Variants in SLC5A12 observed in about 807,000 individuals in gnomAD.
SLC5A12 encodes the protein sodium-coupled monocarboxylate transporter 2.
SLC5A12 carries 46 observed loss-of-function variants against 72.7 expected under a neutral mutation model. The ratio of observed to expected loss-of-function variants is 0.63; its 90% CI spans 0.50 to 0.81. SLC5A12 has a LOEUF of 0.81. Ranked by LOEUF, SLC5A12 falls within the 30% of genes least tolerant of loss-of-function variation. The pLI is 0.00. For missense variants in SLC5A12, 683 were observed against 740.7 expected, an observed-to-expected ratio of 0.92 and a Z score of 0.90; for synonymous variants, 275 against 264.4, an observed-to-expected ratio of 1.04 and a Z score of -0.39.
At chr11:26,690,755 C>A in intron 9 of SLC5A12, among the ~76,000 whole-genome samples, 1 of 145,442 alleles carries the variant, frequency 6.9e-6, no homozygotes, top group Non-Finnish European at 1.5e-5. Flanking sequence ...TGCAGTGAGC[C>A]AAGATCATGC....
chr11:26,678,190 G>GA (rs1565184385), intron 13 of SLC5A12, among the ~76,000 whole-genome samples: 2 of 152,130 alleles, frequency 1.3e-5, no homozygotes, highest in African/African-American at 2.4e-5. Context: ...TAGTAAGATG[G>GA]TGATGACAAA....
At chr11:26,680,800 A>AT (rs1356053310) in intron 12 of SLC5A12, among the ~76,000 whole-genome samples, 1 of 151,618 alleles carries the variant, frequency 6.6e-6, no homozygotes, top group Non-Finnish European at 1.5e-5. Flanking sequence ...ACCCTCCACT[A>AT]TTTTTTCTCT....
At position 26,701,619 on chromosome 11, in the gene SLC5A12, ATT is replaced by A. The variant is rs547996294; in HGVS notation, c.821+1910_821+1911del. Among the ~76,000 whole-genome samples, 303 of 152,306 alleles carry A rather than the reference ATT, an allele frequency of 2.0e-3. 1 individual carries two copies. Among genetic ancestry groups the A allele is most frequent in the Middle Eastern group, 3.4e-3 (1 of 294 alleles). ...AATGTGTGTGTATGTGTGTACACAT[ATT>A]GATTGATTACAGCTATATAATTTTA... On this transcript the variant is annotated intron_variant, in intron 6 of 14. Coordinates refer to ENST00000396005, the MANE Select transcript of SLC5A12 (RefSeq NM_178498.4).
Position 26,703,425 on chromosome 11 carries a change from T to C in SLC5A12, c.821+106A>G, listed in dbSNP as rs879011650. 124 of 882,652 alleles carry C rather than the reference T, an allele frequency of 1.4e-4. 1 individual carries two copies. In the South Asian group the frequency reaches 1.4e-3, roughly 10 times the overall value. 54.7% of individuals were successfully genotyped at this position (882,652 alleles called of 1,614,324 possible). ...TGCCTCTCTCTTACACACACATACA[T>C]ACACACACACACACACACACACCCC... On this transcript the variant is annotated intron_variant, in intron 6 of 14. Coordinates refer to ENST00000396005, the MANE Select transcript of SLC5A12 (RefSeq NM_178498.4).
chr11:26,703,430 A>G (rs1855007366), intron 6 of SLC5A12, 101 bp downstream of exon 6: 1 of 1,252,016 alleles, frequency 8.0e-7, no homozygotes, highest in Admixed American at 2.0e-5. Context: ...ATACATACAC[A>G]CACACACACA....
chr11:26,715,349 G>A (rs958592299), intron 1 of SLC5A12, among the ~76,000 whole-genome samples: 4 of 151,982 alleles, frequency 2.6e-5, no homozygotes, highest in Admixed American at 6.6e-5. Context: ...GAAGGCTTGA[G>A]GGTGTTATCA....
intron 9 of SLC5A12, among the ~76,000 whole-genome samples, chr11:26,688,037 G>C (rs891676258): frequency 1.3e-5 from 2 of 152,182 alleles, no homozygotes; most frequent in African/African-American, 2.4e-5. Flanking sequence ...GTTCAAATGA[G>C]ATTCTAGGCA....
chr11:26,701,119 G>C (rs1005269781), intron 6 of SLC5A12, among the ~76,000 whole-genome samples: 5 of 151,764 alleles, frequency 3.3e-5, no homozygotes, highest in Non-Finnish European at 5.9e-5. Context: ...TGCCCTCAAG[G>C]CTCCAGCTGT....
intron 12 of SLC5A12, among the ~76,000 whole-genome samples, chr11:26,680,306 T>TATATATATATGTATATATATTC (rs1379635728): frequency 1.8e-3 from 38 of 21,240 alleles, no homozygotes; most frequent in African/African-American, 2.3e-3. Context: ...TATATATTCA[T>TATATATATATGTATATATATTC]ATATATATAT....
rs757950702 is a variant in SLC5A12, at chr11:26,721,669, C to T, written c.46G>A (p.Ala16Thr). The change falls in exon 1 of 15, where the codon GCC (alanine) becomes ACC (threonine). Residue 16 changes from alanine to threonine, a missense_variant. Transcript: ENST00000396005. ...FAVWDYVVFA[A>T]LFFISSGIGV... ...ATTCCAGAGGAAATGAAAAAGAGGG[C>T]TGCAAATACAACATAATCCCAAACT... 4.3e-6 allele frequency: 7 copies of T among 1,614,020 alleles called. No homozygotes were observed. Among genetic ancestry groups the T allele is most frequent in the African/African-American group, 1.3e-5 (1 of 74,926 alleles).
chr11:26,693,640 GA>G (rs1445271259), intron 8 of SLC5A12, among the ~76,000 whole-genome samples: 3 of 152,026 alleles, frequency 2.0e-5, no homozygotes, highest in African/African-American at 4.8e-5. Context: ...ACAACTATGA[GA>G]AAAAAATTCT....
At chr11:26,672,129 G>T (rs1464234376) in intron 14 of SLC5A12, among the ~76,000 whole-genome samples, 1 of 152,072 alleles carries the variant, frequency 6.6e-6, no homozygotes, top group Non-Finnish European at 1.5e-5. Context: ...CTTAAGCTCA[G>T]AATTCTATAC....
chr11:26,694,750 C>G (rs1854768686), intron 8 of SLC5A12, among the ~76,000 whole-genome samples: 1 of 152,010 alleles, frequency 6.6e-6, no homozygotes, highest in South Asian at 2.1e-4. Flanking sequence ...TTCAAAGATG[C>G]TAAAATTTTA....
rs774225025 is a variant in SLC5A12, at chr11:26,683,770, A to G, written c.1295T>C (p.Phe432Ser). Residue 432 changes from phenylalanine (F) to serine (S), a missense_variant, in exon 11 of 15, where the codon TTT (phenylalanine) becomes TCT (serine). By Grantham distance (155) the Phe-to-Ser change is radical (BLOSUM62 -2). Coordinates refer to ENST00000396005, the MANE Select transcript of SLC5A12 (RefSeq NM_178498.4). ...GLFSLGIVFPFVNWKGALGGL... is the reference protein window; with the variant it reads ...GLFSLGIVFPSVNWKGALGGL... Reference sequence around the variant, plus strand: ...TGGGATCCTTACCTTCCAATTCACAAAAGGGAACACGATTCCCAGGGAGAA... The same window carrying G: ...TGGGATCCTTACCTTCCAATTCACAGAAGGGAACACGATTCCCAGGGAGAA... 4.4e-6 allele frequency: 7 copies of G among 1,591,094 alleles called. No homozygotes were observed. In the African/African-American group the frequency reaches 9.4e-5, roughly 21 times the overall value.
intron 2 of SLC5A12, 151 bp from the exon 3 acceptor site, chr11:26,711,509 C>T (rs1440554663): frequency 1.5e-6 from 1 of 684,660 alleles, no homozygotes; most frequent in Non-Finnish European, 2.7e-6. Context: ...TGAAGTTGCT[C>T]ACCACTATCA....
At chr11:26,687,912 G>A (rs993118519) in intron 9 of SLC5A12, among the ~76,000 whole-genome samples, 1 of 152,150 alleles carries the variant, frequency 6.6e-6, no homozygotes, top group Non-Finnish European at 1.5e-5. Flanking sequence ...AACAATGTCT[G>A]CCCTGACTTT....
At chr11:26,699,582 G>A (rs1221425330) in intron 6 of SLC5A12, among the ~76,000 whole-genome samples, 1 of 152,066 alleles carries the variant, frequency 6.6e-6, no homozygotes, top group Non-Finnish European at 1.5e-5. Flanking sequence ...TTATGTGTTT[G>A]TTTGTTTTTC....
chr11:26,714,371 C>T (rs187248130), intron 1 of SLC5A12, among the ~76,000 whole-genome samples: 13 of 152,086 alleles, frequency 8.5e-5, no homozygotes, highest in African/African-American at 1.2e-4. Flanking sequence ...ACAGATTAGA[C>T]GAAGTGACCA....
chr11:26,697,350 T>G, intron 7 of SLC5A12, 98 bp from the exon 8 acceptor site: 2 of 1,055,054 alleles, frequency 1.9e-6, no homozygotes, highest in Admixed American at 5.1e-5. Context: ...GGTCTTCTCA[T>G]CAGTGTTTGA....
Sources: allele counts gnomAD v4.1 joint callset (sites outside exome capture counted in the v4.1 genomes callset), GRCh38; gene constraint gnomAD v4.1.1; transcripts MANE v1.5; gene names NCBI Gene and HGNC (gene_info 2026-07-23, HGNC 2026-07-21).